SCN7A: variants seen among roughly 807,000 people sequenced by gnomAD.
SCN7A encodes sodium channel protein type 7 subunit alpha.
Under a neutral mutation model 155.2 loss-of-function variants are expected in SCN7A, and 138 were observed. The ratio of observed to expected loss-of-function variants is 0.89; its 90% CI spans 0.77 to 1.02. SCN7A has a LOEUF of 1.02. Ranked by LOEUF, SCN7A falls within the 50% of genes least tolerant of loss-of-function variation. The pLI, the probability that SCN7A is intolerant of heterozygous loss-of-function variation, is 0.00. For missense variants in SCN7A, 2,058 were observed against 1,986.6 expected, an observed-to-expected ratio of 1.04 and a Z score of -0.68; for synonymous variants, 693 against 649.0, an observed-to-expected ratio of 1.07 and a Z score of -1.03.
At chr2:166,459,450 C>T (rs1002878442) in intron 10 of SCN7A, among the ~76,000 whole-genome samples, 3 of 152,060 alleles carry the variant, frequency 2.0e-5, no homozygotes, top group African/African-American at 7.2e-5. Flanking sequence ...TAATTTTGTT[C>T]CCTGAGGTTT....
At chr2:166,466,249 A>G (rs1559120289) in intron 7 of SCN7A, among the ~76,000 whole-genome samples, 2 of 152,202 alleles carry the variant, frequency 1.3e-5, no homozygotes, top group South Asian at 4.1e-4. Flanking sequence ...CTCTTTACAA[A>G]GAAAAACAAT....
Position 166,432,667 on chromosome 2 carries a change from A to T in SCN7A, c.2243T>A (p.Leu748His). ...TAEENNEAKN[L>H]QLAVARIKKG... is the part of the protein sequence containing the mutation. The stretch of plus-strand genomic sequence containing the variant: ...TTTAATTCTTGCCACTGCAAGCTGG[A>T]GATTTTTTGCTTCATTATTCTCTTC... The change falls in exon 16 of 26, where the codon CTC becomes CAC. Residue 748 changes from leucine to histidine, a missense_variant. By Grantham distance (99) the Leu-to-His change is moderately conservative. Transcript: ENST00000643258. 1.2e-6 allele frequency: 2 copies of T among 1,607,212 alleles called. No individual in the cohort carries two copies. The highest frequency in any genetic ancestry group is 1.1e-5 in the South Asian group (1 of 89,464).
At position 166,432,858 on chromosome 2, in the gene SCN7A, T is replaced by C. The variant is rs1701763857; in HGVS notation, c.2158-106A>G. 29 of 751,642 alleles carry C rather than the reference T, an allele frequency of 3.9e-5. No homozygotes were observed. In the South Asian group the frequency reaches 5.7e-4, roughly 15 times the overall value. 46.6% of individuals were successfully genotyped at this position (751,642 alleles called of 1,614,324 possible). ...ATGAGAACATTTAATATCTACTCTG[T>C]TAGCATTTTTCAAGAATACAATATA... On this transcript the variant is annotated intron_variant, in intron 15 of 25. Coordinates refer to ENST00000643258, the MANE Select transcript of SCN7A (RefSeq NM_002976.4).
rs1387036240 is a variant in SCN7A at position 166,413,987 on chromosome 2, ATATATATATATATATAAATATAC to A, written c.3415-889_3415-867del. 5.4e-4 allele frequency among the ~76,000 whole-genome samples: 52 copies of A among 96,692 alleles called. 1 individual carries two copies. The highest frequency in any genetic ancestry group is 2.1e-3 in the African/African-American group (47 of 22,428). 63.4% of individuals were successfully genotyped at this position (96,692 alleles called of 152,430 possible). A position where few individuals can be genotyped will look rare whatever the true frequency, so the allele number is the denominator to read the frequency against. ...TATATATATATGTGTATGTGTATAT[ATATATATATATATATAAATATAC>A]TATATATATGTAAATATATATAAAT... On this transcript the variant is annotated intron_variant, in intron 21 of 25. Transcript: ENST00000643258.
rs1309220181 is a variant in SCN7A, at chr2:166,465,543, G to T, written c.872-12C>A. On this transcript the variant is annotated splice_polypyrimidine_tract_variant and intron_variant, in intron 8 of 25. Transcript: ENST00000643258. Reference sequence around the variant, plus strand: ...AAAGTTTTCTGTTTCTGAAAAACAGGCAAGAAATGATATTCTATATGTAAT... The same window carrying T: ...AAAGTTTTCTGTTTCTGAAAAACAGTCAAGAAATGATATTCTATATGTAAT... 1 of 1,568,738 alleles carries T rather than the reference G, an allele frequency of 6.4e-7. No homozygotes were observed. Among genetic ancestry groups the T allele is most frequent in the East Asian group, 2.3e-5 (1 of 43,766 alleles).
In SCN7A at chr2:166,414,245, AATATAT is replaced by A. The variant is rs550020340; in HGVS notation, c.3415-1130_3415-1125del. Reference sequence around the variant, plus strand: ...ATAAATATATATATCTATATATGTAAATATATATAGATATATATACACACACATATA... The same window carrying A: ...ATAAATATATATATCTATATATGTAAATAGATATATATACACACACATATA... On this transcript the variant is annotated intron_variant, in intron 21 of 25. Transcript: ENST00000643258. Among the ~76,000 whole-genome samples, 10 of 84,250 alleles carry A rather than the reference AATATAT, an allele frequency of 1.2e-4. 1 individual carries two copies. In the East Asian group the frequency reaches 2.8e-3, roughly 24 times the overall value. The allele number at this position is 84,250 out of a possible 152,430, so 55.3% of individuals were successfully genotyped here. A position where few individuals can be genotyped will look rare whatever the true frequency, so the allele number is the denominator to read the frequency against.
chr2:166,446,414 T>C (rs1356899776), intron 12 of SCN7A, among the ~76,000 whole-genome samples: 1 of 152,162 alleles, frequency 6.6e-6, no homozygotes, highest in Non-Finnish European at 1.5e-5. Flanking sequence ...GTTTTTACAC[T>C]GTTGGTGGGA....
intron 3 of SCN7A, among the ~76,000 whole-genome samples, chr2:166,476,911 T>C (rs1325938820): frequency 2.6e-5 from 4 of 152,086 alleles, no homozygotes; most frequent in African/African-American, 7.2e-5. Flanking sequence ...TACCAATCTC[T>C]GATTTCTAAA....
In SCN7A at chr2:166,465,930, A is replaced by G; in HGVS notation, c.722T>C (p.Ile241Thr). ...IHCLKQLIGV[I>T]ILTLFFLSIF... ...GCTCAGAAAAAACAGAGTTAGGATAATGACACCAATAAGCTGCTTCAAGCA... is the reference window on the plus strand; with the variant it reads ...GCTCAGAAAAAACAGAGTTAGGATAGTGACACCAATAAGCTGCTTCAAGCA... Residue 241 changes from isoleucine (I) to threonine (T), a missense_variant, in exon 8 of 26, where the codon ATT (isoleucine) becomes ACT (threonine). Physicochemically the swap from Ile to Thr is moderately conservative, Grantham distance 89. Coordinates refer to ENST00000643258, the MANE Select transcript of SCN7A (RefSeq NM_002976.4). 1 of 1,613,714 alleles carries G rather than the reference A, an allele frequency of 6.2e-7. No individual in the cohort carries two copies. Among genetic ancestry groups the G allele is most frequent in the Non-Finnish European group, 8.5e-7 (1 of 1,179,760 alleles).
Position 166,413,101 on chromosome 2 carries a change from G to A in SCN7A, c.3435C>T (p.Ile1145=). ...AATCAATTGCTGAATTCATAATAGT[G>A]ATCCATCCATTAAATGTTGCCTGTA... is the stretch of plus-strand genomic sequence containing the variant. ...LLQVATFNGW[I]TIMNSAIDSV... The change falls in exon 22 of 26, where the codon ATC becomes ATT. Residue 1145 remains isoleucine (I), a synonymous_variant. Transcript: ENST00000643258. 1 of 1,530,476 alleles carries A rather than the reference G, an allele frequency of 6.5e-7. No individual in the cohort carries two copies. Among genetic ancestry groups the A allele is most frequent in the Non-Finnish European group, 8.8e-7 (1 of 1,133,390 alleles). 94.8% of individuals were successfully genotyped at this position (1,530,476 alleles called of 1,614,324 possible).
At chr2:166,410,460 A>T (rs376889426) in intron 23 of SCN7A, 136 bp from the exon 24 acceptor site, 1 of 593,670 alleles carries the variant, frequency 1.7e-6, no homozygotes, top group African/African-American at 1.9e-5. Flanking sequence ...GAATGAAATC[A>T]TGTTTGAACA....
intron 16 of SCN7A, among the ~76,000 whole-genome samples, chr2:166,431,274 T>C (rs532999386): frequency 6.6e-6 from 1 of 152,202 alleles, no homozygotes; most frequent in South Asian, 2.1e-4. Context: ...ATTGGGCATG[T>C]GGATTAAAAA....
rs1397694525 is a variant in SCN7A, at chr2:166,457,028, T to G, written c.1132A>C (p.Ser378Arg). 1 of 1,610,414 alleles carries G rather than the reference T, an allele frequency of 6.2e-7. No individual in the cohort carries two copies. Among genetic ancestry groups the G allele is most frequent in the Admixed American group, 1.7e-5 (1 of 59,632 alleles). ...KVYMIFFVVV[S>R]FLFSFYMASL... ...GCCATATAAAAGGAAAACAAAAAAC[T>G]TACCACCACAAAAAATATCATGTAG... The change falls in exon 11 of 26, where the codon AGT becomes CGT. Residue 378 changes from serine (S) to arginine (R), a missense_variant. By Grantham distance (110) the Ser-to-Arg change is moderately radical. Transcript: ENST00000643258.
chr2:166,493,623 T>C (rs1239609146), intron 1 of SCN7A, among the ~76,000 whole-genome samples: 1 of 152,194 alleles, frequency 6.6e-6, no homozygotes, highest in East Asian at 1.9e-4. Flanking sequence ...TAACCTTTCC[T>C]CCATTTTATA....
chr2:166,412,887 A>G (rs527318625), intron 22 of SCN7A, among the ~76,000 whole-genome samples, 181 bp downstream of exon 22: 58 of 152,176 alleles, frequency 3.8e-4, no homozygotes, highest in African/African-American at 1.4e-3. Flanking sequence ...TAATCTTTCA[A>G]ATGGACCTAT....
At chr2:166,455,928 G>T (rs1052749010) in intron 11 of SCN7A, among the ~76,000 whole-genome samples, 1 of 152,100 alleles carries the variant, frequency 6.6e-6, no homozygotes, top group African/African-American at 2.4e-5. Context: ...TTTTTAATGT[G>T]CTGCTGGATT....
chr2:166,443,797 C>G, intron 13 of SCN7A, 121 bp from the exon 14 acceptor site: 1 of 684,982 alleles, frequency 1.5e-6, no homozygotes, highest in African/African-American at 1.8e-5. Flanking sequence ...CACAGCTTCT[C>G]TGTCAATATC....
intron 18 of SCN7A, among the ~76,000 whole-genome samples, chr2:166,426,449 G>A (rs1347475087): frequency 1.3e-5 from 2 of 151,956 alleles, no homozygotes; most frequent in African/African-American, 4.8e-5. Context: ...GACATAGTAT[G>A]TCTCCTACTA....
intron 20 of SCN7A, among the ~76,000 whole-genome samples, chr2:166,420,057 T>C (rs1355762781): frequency 6.6e-6 from 1 of 152,062 alleles, no homozygotes; most frequent in Non-Finnish European, 1.5e-5. Context: ...CATATACAAA[T>C]ATAACTAATG....
Sources: allele counts gnomAD v4.1 joint callset (sites outside exome capture counted in the v4.1 genomes callset), GRCh38; gene constraint gnomAD v4.1.1; transcripts MANE v1.5; gene names NCBI Gene and HGNC (gene_info 2026-07-23, HGNC 2026-07-21).